PHF14: variants seen among roughly 807,000 people sequenced by gnomAD.
PHF14 encodes PHD finger protein 14.
Under a neutral mutation model 117.9 loss-of-function variants are expected in PHF14, and 55 were observed. The ratio of observed to expected loss-of-function variants is 0.47; its 90% CI spans 0.38 to 0.58. The LOEUF (loss-of-function observed/expected upper bound fraction) is 0.58. PHF14 is among the 20% of genes least tolerant of loss of function. The pLI, the probability that PHF14 is intolerant of heterozygous loss-of-function variation, is 0.00. For synonymous variants in PHF14, 409 were observed against 368.6 expected (o/e 1.11, Z -1.26); for missense variants, 978 against 1,122.2 (o/e 0.87, Z 1.84).
chr7:11,094,528 A>G (rs1416974020), intron 16 of PHF14, among the ~76,000 whole-genome samples: 1 of 152,096 alleles, frequency 6.6e-6, no homozygotes, highest in East Asian at 1.9e-4. Flanking sequence ...ATTCTTAATC[A>G]TATTTGCAAA....
At chr7:11,027,363 C>A (rs1783957168) in intron 6 of PHF14, among the ~76,000 whole-genome samples, 1 of 151,984 alleles carries the variant, frequency 6.6e-6, no homozygotes, top group Non-Finnish European at 1.5e-5. Context: ...TTAAGTTTTC[C>A]TTGTATTTGT....
intron 5 of PHF14, among the ~76,000 whole-genome samples, chr7:11,022,218 T>C (rs1783760658): frequency 6.6e-6 from 1 of 152,136 alleles, no homozygotes; most frequent in African/African-American, 2.4e-5. Flanking sequence ...TTAATAAATA[T>C]TTATATTTGG....
Position 11,072,853 on chromosome 7 carries a change from C to G in PHF14, c.2654+10768C>G, listed in dbSNP as rs535894665. Among the ~76,000 whole-genome samples, 3 of 152,262 alleles carry G rather than the reference C, an allele frequency of 2.0e-5. No individual in the cohort carries two copies. The East Asian group carries it at 5.8e-4, about 29-fold the overall frequency. On this transcript the variant is annotated intron_variant, in intron 16 of 17. Transcript: ENST00000634607. ...GAAGGCAAAGGGTGAGCCAGTATAT[C>G]ACATAGAGTGAACAACAGAGAAAAG...
intron 17 of PHF14, among the ~76,000 whole-genome samples, chr7:11,113,646 T>C (rs1024543797): frequency 1.6e-4 from 24 of 152,154 alleles, no homozygotes; most frequent in Admixed American, 5.9e-4. Context: ...TAATATAATA[T>C]TTAAGCTGAA....
chr7:10,982,030 A>G (rs1782060147), intron 2 of PHF14, among the ~76,000 whole-genome samples: 1 of 152,212 alleles, frequency 6.6e-6, no homozygotes, highest in African/African-American at 2.4e-5. Context: ...CAAGTGCCCA[A>G]TCTTAAAAGA....
At chr7:11,006,900 C>T (rs967951892) in intron 4 of PHF14, 33 of 511,694 alleles carry the variant, frequency 6.4e-5, no homozygotes, top group African/African-American at 2.0e-4. Flanking sequence ...CTTGTCCTGG[C>T]GCGGTGGCTC....
Position 11,163,709 on chromosome 7 carries a change from G to A in PHF14, c.2773-5707G>A, listed in dbSNP as rs556061641. 5.1e-4 allele frequency among the ~76,000 whole-genome samples: 78 copies of A among 152,178 alleles called. 4 individuals carry two copies. In the South Asian group the frequency reaches 7.9e-3, roughly 15 times the overall value. On this transcript the variant is annotated intron_variant, in intron 17 of 17. Transcript: ENST00000634607. ...TTTTGCCTAAAACATTTTCATTATC[G>A]TCAGTATTTTCCAGTTATTAAGATA...
At chr7:10,994,370 C>G (rs1782559574) in intron 4 of PHF14, among the ~76,000 whole-genome samples, 2 of 152,080 alleles carry the variant, frequency 1.3e-5, no homozygotes, top group Admixed American at 1.3e-4. Context: ...ACCCAGGAGG[C>G]AGAGGTTGCA....
At chr7:11,096,537 A>AT (rs1786873447) in intron 16 of PHF14, among the ~76,000 whole-genome samples, 8 of 152,168 alleles carry the variant, frequency 5.3e-5, no homozygotes. Flanking sequence ...TTTCCAGTTC[A>AT]TTTACGGGTA....
intron 17 of PHF14, among the ~76,000 whole-genome samples, chr7:11,121,519 T>A (rs182126155): frequency 5.6e-4 from 86 of 152,274 alleles, no homozygotes; most frequent in African/African-American, 1.8e-3. Flanking sequence ...CTTAAACCAG[T>A]TATTTTTTCC....
chr7:11,169,553 T>C lies in PHF14; in HGVS notation c.*63T>C, dbSNP rs1206952638. The C allele has an allele frequency of 7.6e-6, 5 of 660,680 alleles. No homozygotes were observed. In the East Asian group the frequency reaches 9.5e-5, roughly 13 times the overall value. The allele number at this position is 660,680 out of a possible 1,614,324, so 40.9% of individuals were successfully genotyped here. A position where few individuals can be genotyped will look rare whatever the true frequency, so the allele number is the denominator to read the frequency against. The stretch of plus-strand genomic sequence containing the variant: ...ATGTAATAGCAGATAAAATTTCTAA[T>C]TGTAAAATGTTAAATTGTAAAATCT... On this transcript the variant is annotated 3_prime_UTR_variant, in exon 18 of 18. Coordinates refer to ENST00000634607, the MANE Select transcript of PHF14 (RefSeq NM_001007157.2).
chr7:11,022,311 C>T (rs1032723091), intron 5 of PHF14, among the ~76,000 whole-genome samples: 1 of 151,962 alleles, frequency 6.6e-6, no homozygotes, highest in African/African-American at 2.4e-5. Context: ...GTACCTTTTC[C>T]CAGCAGTTTT....
At chr7:11,019,185 C>T (rs775628332) in intron 5 of PHF14, among the ~76,000 whole-genome samples, 1 of 152,128 alleles carries the variant, frequency 6.6e-6, no homozygotes, top group Admixed American at 6.6e-5. Flanking sequence ...AGATACTGGC[C>T]TGTAGTTTTC....
At chr7:11,076,111 C>T (rs1339455173) in intron 16 of PHF14, among the ~76,000 whole-genome samples, 1 of 152,206 alleles carries the variant, frequency 6.6e-6, no homozygotes, top group Non-Finnish European at 1.5e-5. Context: ...TGCACTCCAG[C>T]CTGGGCAACA....
At chr7:11,097,511 G>A (rs558221032) in intron 16 of PHF14, among the ~76,000 whole-genome samples, 3 of 152,180 alleles carry the variant, frequency 2.0e-5, no homozygotes, top group South Asian at 4.1e-4. Context: ...TAATTTCTTG[G>A]TGAATTAGGA....
intron 14 of PHF14, among the ~76,000 whole-genome samples, chr7:11,058,043 A>G (rs895761148): frequency 6.6e-6 from 1 of 152,204 alleles, no homozygotes; most frequent in Non-Finnish European, 1.5e-5. Context: ...TCTGTGTTAC[A>G]TTCTAAAGCA....
chr7:11,082,884 C>T (rs1786205430), intron 16 of PHF14, among the ~76,000 whole-genome samples: 1 of 152,080 alleles, frequency 6.6e-6, no homozygotes, highest in Non-Finnish European at 1.5e-5. Context: ...GTACCCCTCC[C>T]CTTCCCTTTT....
rs1046466388 is a variant in PHF14 at position 11,064,053 on chromosome 7, A to C, written c.2654+1968A>C. 2.6e-5 allele frequency among the ~76,000 whole-genome samples: 4 copies of C among 152,088 alleles called. No homozygotes were observed. The South Asian group carries it at 8.3e-4, about 32-fold the overall frequency. On this transcript the variant is annotated intron_variant, in intron 16 of 17. Transcript: ENST00000634607. Reference sequence around the variant, plus strand: ...TAAAGAGGTAATGTAGAGGAAATTAAATGTTTTATTGGTACTATATTTTAA... The same window carrying C: ...TAAAGAGGTAATGTAGAGGAAATTACATGTTTTATTGGTACTATATTTTAA...
At chr7:11,001,363 A>G (rs1343647426) in intron 4 of PHF14, among the ~76,000 whole-genome samples, 2 of 151,928 alleles carry the variant, frequency 1.3e-5, no homozygotes, top group African/African-American at 2.4e-5. Context: ...CTTCAATATT[A>G]TGTTAGCTCT....
Sources: allele counts gnomAD v4.1 joint callset (sites outside exome capture counted in the v4.1 genomes callset), GRCh38; gene constraint gnomAD v4.1.1; transcripts MANE v1.5; gene names NCBI Gene and HGNC (gene_info 2026-07-23, HGNC 2026-07-21).